Variants in RYR2 observed in about 807,000 individuals in gnomAD.
RYR2 encodes the protein ryanodine receptor 2.
In RYR2, 227 loss-of-function variants were observed where a neutral mutation model predicts 601.1. That is an observed-to-expected ratio of 0.38 (90% confidence interval 0.34 to 0.42). The LOEUF is 0.42. RYR2 is among the 10% of genes least tolerant of loss of function. The pLI is 1.00. For missense variants in RYR2, 4,646 were observed against 6,156.5 expected, an observed-to-expected ratio of 0.75 and a Z score of 8.21; for synonymous variants, 2,223 against 2,175.1, an observed-to-expected ratio of 1.02 and a Z score of -0.61.
chr1:237,768,412 G>C (rs560552371), intron 84 of RYR2, among the ~76,000 whole-genome samples: 1 of 152,174 alleles, frequency 6.6e-6, no homozygotes, highest in Non-Finnish European at 1.5e-5. Context: ...GAAAATGAAG[G>C]CGCAAAGAAT....
intron 17 of RYR2, among the ~76,000 whole-genome samples, chr1:237,473,535 A>G (rs1488915315): frequency 6.6e-6 from 1 of 151,684 alleles, no homozygotes. Context: ...AGTTAGATTC[A>G]TACAAAGTTG....
At chr1:237,096,230 G>C (rs974406114) in intron 1 of RYR2, among the ~76,000 whole-genome samples, 1 of 152,216 alleles carries the variant, frequency 6.6e-6, no homozygotes, top group South Asian at 2.1e-4. Context: ...TGCAGAAAGA[G>C]TGCTGTCCAA....
At chr1:237,647,727 C>T (rs560052721) in intron 48 of RYR2, among the ~76,000 whole-genome samples, 14 of 152,166 alleles carry the variant, frequency 9.2e-5, no homozygotes, top group Middle Eastern at 3.4e-3. Context: ...ACCAGTTTGG[C>T]GTAATTATCA....
chr1:237,109,731 A>G (rs535508754), intron 1 of RYR2, among the ~76,000 whole-genome samples: 1 of 58,098 alleles, frequency 1.7e-5, no homozygotes, highest in South Asian at 8.5e-4. Flanking sequence ...CAAAAAAAAA[A>G]ATAATAATAA....
chr1:237,525,811 C>A (rs1667522581), intron 24 of RYR2, among the ~76,000 whole-genome samples: 1 of 151,944 alleles, frequency 6.6e-6, no homozygotes, highest in South Asian at 2.1e-4. Flanking sequence ...GCAAACCCAT[C>A]TCTACTAAAA....
chr1:237,700,645 A>G (rs1214192810), intron 65 of RYR2, among the ~76,000 whole-genome samples, 178 bp downstream of exon 65: 3 of 152,198 alleles, frequency 2.0e-5, no homozygotes, highest in Non-Finnish European at 4.4e-5. Flanking sequence ...TCTTACAGAA[A>G]TAGATCTCTG....
At chr1:237,666,958 G>A (rs576731433) in intron 57 of RYR2, among the ~76,000 whole-genome samples, 11 of 152,054 alleles carry the variant, frequency 7.2e-5, no homozygotes, top group South Asian at 4.2e-4. Flanking sequence ...TGTTTCAGCC[G>A]TATAACATAT....
intron 78 of RYR2, among the ~76,000 whole-genome samples, chr1:237,733,244 A>T (rs1690848597): frequency 6.6e-6 from 1 of 152,242 alleles, no homozygotes; most frequent in South Asian, 2.1e-4. Context: ...AGAAGATAAT[A>T]AACATATTTT....
rs540825570 is a variant in RYR2 at position 237,717,091 on chromosome 1, A to G, written c.10324-107A>G. On this transcript the variant is annotated intron_variant, in intron 71 of 104. Coordinates refer to ENST00000366574, the MANE Select transcript of RYR2 (RefSeq NM_001035.3). ...AACAGGAGGATTTTCAAAACTAGGG[A>G]GCAGCAGAAAATGAGGAAGATGAAG... 16 of 953,014 alleles carry G rather than the reference A, an allele frequency of 1.7e-5. No homozygotes were observed. The South Asian group carries it at 2.9e-4, about 17-fold the overall frequency. 59.0% of individuals were successfully genotyped at this position (953,014 alleles called of 1,614,324 possible).
chr1:237,776,362 A>C (rs1694658030), intron 87 of RYR2, among the ~76,000 whole-genome samples: 1 of 152,200 alleles, frequency 6.6e-6, no homozygotes, highest in Non-Finnish European at 1.5e-5. Flanking sequence ...AAATAACCTG[A>C]TTCCTTCTCA....
intron 1 of RYR2, among the ~76,000 whole-genome samples, chr1:237,191,269 A>G (rs1679941506): frequency 6.6e-6 from 1 of 152,096 alleles, no homozygotes; most frequent in African/African-American, 2.4e-5. Context: ...CCATCGGCCT[A>G]TATAAGTTTC....
At chr1:237,804,326 T>C (rs1055668669) in intron 98 of RYR2, among the ~76,000 whole-genome samples, 3 of 151,522 alleles carry the variant, frequency 2.0e-5, no homozygotes, top group South Asian at 2.1e-4. Flanking sequence ...AGTGTGCTTT[T>C]TAAAAATGCT....
At chr1:237,740,838 T>G (rs2149205253) in intron 79 of RYR2, among the ~76,000 whole-genome samples, 1 of 152,302 alleles carries the variant, frequency 6.6e-6, no homozygotes, top group South Asian at 2.1e-4. Flanking sequence ...ATAGGTAGTC[T>G]TAAGGAGCAG....
At chr1:237,701,898 TAG>T in intron 65 of RYR2, 78 bp from the exon 66 acceptor site, 1 of 746,196 alleles carries the variant, frequency 1.3e-6, no homozygotes. Flanking sequence ...CTAAACTGAA[TAG>T]TACATAGCTT....
At chr1:237,797,077 C>T (rs923428245) in intron 96 of RYR2, among the ~76,000 whole-genome samples, 1 of 151,906 alleles carries the variant, frequency 6.6e-6, no homozygotes, top group Non-Finnish European at 1.5e-5. Flanking sequence ...AGCCACCACT[C>T]CTGGCCTCCA....
At position 237,491,880 on chromosome 1, in the gene RYR2, A is replaced by G; in HGVS notation, c.1783A>G (p.Lys595Glu). 1 of 1,451,276 alleles carries G rather than the reference A, an allele frequency of 6.9e-7. No homozygotes were observed. The highest frequency in any genetic ancestry group is 9.5e-7 in the Non-Finnish European group (1 of 1,054,020). 89.9% of individuals were successfully genotyped at this position (1,451,276 alleles called of 1,614,324 possible). Residue 595 changes from lysine (K) to glutamate (E), a missense_variant, in exon 18 of 105, where the codon AAA becomes GAA. Lys to Glu is a moderately conservative substitution (Grantham distance 56). Coordinates refer to ENST00000366574, the MANE Select transcript of RYR2 (RefSeq NM_001035.3). ...ALNIIKEGHI[K>E]SIISLLDKHG... Reference sequence around the variant, plus strand: ...AAATATTATTAAAGAAGGACATATTAAATCTATTATCTCACTTTTAGACAA... The same window carrying G: ...AAATATTATTAAAGAAGGACATATTGAATCTATTATCTCACTTTTAGACAA...
In RYR2 at chr1:237,377,313, A is replaced by G. The variant is rs1257588740; in HGVS notation, c.464-10A>G. Reference sequence around the variant, plus strand: ...ACTTTTTCATGTTTCACATATCCGTATATCTGCAGGGGAGGCTTGTTGGTG... The same window carrying G: ...ACTTTTTCATGTTTCACATATCCGTGTATCTGCAGGGGAGGCTTGTTGGTG... On this transcript the variant is annotated splice_polypyrimidine_tract_variant and intron_variant, in intron 7 of 104. Transcript: ENST00000366574. 3 of 1,595,516 alleles carry G rather than the reference A, an allele frequency of 1.9e-6. No homozygotes were observed. Among genetic ancestry groups the G allele is most frequent in the Admixed American group, 1.7e-5 (1 of 57,718 alleles).
chr1:237,807,618 C>T (rs1290590994), intron 99 of RYR2, among the ~76,000 whole-genome samples: 1 of 152,198 alleles, frequency 6.6e-6, no homozygotes, highest in Non-Finnish European at 1.5e-5. Flanking sequence ...TCCCAAAGTG[C>T]TAGGATTACA....
At chr1:237,811,726 C>T (rs759982865) in intron 100 of RYR2, among the ~76,000 whole-genome samples, 19 of 152,124 alleles carry the variant, frequency 1.2e-4, no homozygotes, top group Admixed American at 3.9e-4. Flanking sequence ...TCAACTCATC[C>T]TTCCACACAT....
Sources: allele counts gnomAD v4.1 joint callset (sites outside exome capture counted in the v4.1 genomes callset), GRCh38; gene constraint gnomAD v4.1.1; transcripts MANE v1.5; gene names NCBI Gene and HGNC (gene_info 2026-07-23, HGNC 2026-07-21).